SFMBT2: variants seen among roughly 807,000 people sequenced by gnomAD.
The protein encoded by SFMBT2 is scm-like with four MBT domains protein 2.
SFMBT2 carries 38 observed loss-of-function variants against 110.1 expected under a neutral mutation model. The observed-to-expected ratio is 0.35, with a 90% CI of 0.27 to 0.45. SFMBT2 has a LOEUF of 0.45. SFMBT2 is among the 20% of genes least tolerant of loss of function. The pLI is 1.00. For synonymous variants in SFMBT2, 425 were observed against 425.4 expected, an observed-to-expected ratio of 1.00 and a Z score of 0.01; for missense variants, 1,011 against 1,094.9, an observed-to-expected ratio of 0.92 and a Z score of 1.08.
At chr10:7,206,082 A>G (rs1320331708) in intron 11 of SFMBT2, 154 bp from the exon 12 acceptor site, 1 of 985,320 alleles carries the variant, frequency 1.0e-6, no homozygotes, top group African/African-American at 1.7e-5. Context: ...TATGGAAGAG[A>G]TGACTTTAGA....
intron 1 of SFMBT2, among the ~76,000 whole-genome samples, chr10:7,388,206 A>C (rs1042836023): frequency 1.3e-5 from 2 of 152,022 alleles, no homozygotes; most frequent in South Asian, 4.2e-4. Flanking sequence ...ATCTCATCCT[A>C]ATTGGGAGAA....
At chr10:7,232,302 C>T (rs1290600349) in intron 9 of SFMBT2, among the ~76,000 whole-genome samples, 1 of 151,854 alleles carries the variant, frequency 6.6e-6, no homozygotes, top group Non-Finnish European at 1.5e-5. Context: ...AACTATTTGG[C>T]ATTAAAAAAA....
Position 7,248,662 on chromosome 10 carries a change from A to G in SFMBT2, c.871-13T>C. On this transcript the variant is annotated splice_polypyrimidine_tract_variant and intron_variant, in intron 7 of 20. Transcript: ENST00000397167. ...AATCTGCGTGATCCTGCAGGGAGAA[A>G]GATGAAAATATTGAAAGCCACGGTA... 1 of 1,612,768 alleles carries G rather than the reference A, an allele frequency of 6.2e-7. No individual in the cohort carries two copies. The highest frequency in any genetic ancestry group is 8.5e-7 in the Non-Finnish European group (1 of 1,178,868).
At position 7,236,806 on chromosome 10, in the gene SFMBT2, TA is replaced by T. The variant is rs542207754; in HGVS notation, c.1120+6751del. ...ACAATTTACTACTTCAATATGCCAT[TA>T]AAAAAAACCATTAAAAAGCAAAGAA... On this transcript the variant is annotated intron_variant, in intron 9 of 20. Coordinates refer to ENST00000397167, the MANE Select transcript of SFMBT2 (RefSeq NM_001387889.1). Among the ~76,000 whole-genome samples the T allele has an allele frequency of 1.8e-4, 28 of 151,954 alleles. No homozygotes were observed. In the South Asian group the frequency reaches 2.1e-3, roughly 11 times the overall value.
At position 7,310,222 on chromosome 10, in the gene SFMBT2, A is replaced by G. The variant is rs972417016; in HGVS notation, c.437-24268T>C. On this transcript the variant is annotated intron_variant, in intron 4 of 20. Transcript: ENST00000397167. ...CAAATGTCACATGTTGATTCGGTAC[A>G]CAGAAAGACCTCTCCGACAAGGACA... Among the ~76,000 whole-genome samples, 13 of 152,324 alleles carry G rather than the reference A, an allele frequency of 8.5e-5. No individual in the cohort carries two copies. In the East Asian group the frequency reaches 1.7e-3, roughly 20 times the overall value.
intron 11 of SFMBT2, chr10:7,206,749 G>T: frequency 1.4e-6 from 1 of 715,736 alleles, no homozygotes; most frequent in Non-Finnish European, 1.7e-6. Context: ...AGGAGCTCTG[G>T]CTATGGAGAG....
intron 7 of SFMBT2, among the ~76,000 whole-genome samples, chr10:7,251,583 C>A (rs1588385787): frequency 1.3e-5 from 2 of 152,138 alleles, no homozygotes; most frequent in Admixed American, 6.6e-5. Flanking sequence ...TAAGTATAAA[C>A]CCTTTCATCT....
At chr10:7,372,017 C>T (rs190717907) in intron 2 of SFMBT2, among the ~76,000 whole-genome samples, 1 of 151,196 alleles carries the variant, frequency 6.6e-6, no homozygotes, top group Non-Finnish European at 1.5e-5. Flanking sequence ...ACCTCCACCC[C>T]CCAGGTTCAA....
At chr10:7,266,444 C>T (rs115201186) in intron 7 of SFMBT2, among the ~76,000 whole-genome samples, 1 of 152,102 alleles carries the variant, frequency 6.6e-6, no homozygotes, top group Non-Finnish European at 1.5e-5. Context: ...AGGGGCCATG[C>T]AGGAATCTGG....
Position 7,220,525 on chromosome 10 carries a change from G to T in SFMBT2, c.1216C>A (p.Arg406=). 6.2e-7 allele frequency: 1 copy of T among 1,614,078 alleles called. No individual in the cohort carries two copies. Among genetic ancestry groups the T allele is most frequent in the Non-Finnish European group, 8.5e-7 (1 of 1,179,988 alleles). Residue 406 remains arginine, a synonymous_variant, in exon 11 of 21, where the codon CGA becomes AGA. Transcript: ENST00000397167. ...AGTTTCATGTTCTTTGTGAAACCTCGACTGAATGATGTCTGCAAGAGAAAC... is the reference window on the plus strand; with the variant it reads ...AGTTTCATGTTCTTTGTGAAACCTCTACTGAATGATGTCTGCAAGAGAAAC... ...PFCFRNTSFS[R]GFTKNMKLEA...
chr10:7,299,690 C>T (rs1223369911), intron 4 of SFMBT2, among the ~76,000 whole-genome samples: 1 of 152,106 alleles, frequency 6.6e-6, no homozygotes, highest in African/African-American at 2.4e-5. Context: ...CCTCAAAGAT[C>T]TAGAACCAGA....
At chr10:7,248,096 A>C (rs973853724) in intron 8 of SFMBT2, among the ~76,000 whole-genome samples, 1 of 152,262 alleles carries the variant, frequency 6.6e-6, no homozygotes, top group Non-Finnish European at 1.5e-5. Flanking sequence ...GAATCTGTAG[A>C]TCTTAGAAGC....
At chr10:7,386,231 CA>C (rs1406793284) in intron 1 of SFMBT2, among the ~76,000 whole-genome samples, 1 of 152,160 alleles carries the variant, frequency 6.6e-6, no homozygotes, top group East Asian at 1.9e-4. Context: ...TTAAAGAACA[CA>C]ACTCCATCTT....
chr10:7,238,449 C>CT (rs1386943518), intron 9 of SFMBT2, among the ~76,000 whole-genome samples: 3 of 152,172 alleles, frequency 2.0e-5, no homozygotes, highest in Non-Finnish European at 4.4e-5. Context: ...CCATGAGCGT[C>CT]TATGTTATTT....
At chr10:7,268,306 G>T (rs533817098) in intron 7 of SFMBT2, among the ~76,000 whole-genome samples, 60 of 152,258 alleles carry the variant, frequency 3.9e-4, no homozygotes, top group African/African-American at 1.4e-3. Context: ...AGTCTGTCCT[G>T]TAATAAACTT....
In SFMBT2 at chr10:7,197,018, G is replaced by A. The variant is rs370338593; in HGVS notation, c.1698+530C>T. Among the ~76,000 whole-genome samples the A allele has an allele frequency of 6.6e-5, 10 of 152,202 alleles. No homozygotes were observed. In the South Asian group the frequency reaches 1.0e-3, roughly 16 times the overall value. ...GGATGTGACCCATGACACAAACCTCGTCAAAGTACCTGGAGACCATTGAAA... is the reference window on the plus strand; with the variant it reads ...GGATGTGACCCATGACACAAACCTCATCAAAGTACCTGGAGACCATTGAAA... On this transcript the variant is annotated intron_variant, in intron 15 of 20. Coordinates refer to ENST00000397167, the MANE Select transcript of SFMBT2 (RefSeq NM_001387889.1).
intron 20 of SFMBT2, among the ~76,000 whole-genome samples, chr10:7,166,232 A>G (rs1837689686): frequency 6.6e-6 from 1 of 152,218 alleles, no homozygotes. Flanking sequence ...TGCCCAGAAA[A>G]GCTAGCCAAT....
At chr10:7,264,576 A>G (rs1414029000) in intron 7 of SFMBT2, among the ~76,000 whole-genome samples, 1 of 152,176 alleles carries the variant, frequency 6.6e-6, no homozygotes, top group African/African-American at 2.4e-5. Flanking sequence ...ATGGATTGGA[A>G]TTAGTGTCCT....
chr10:7,306,238 C>G (rs1052465493), intron 4 of SFMBT2, among the ~76,000 whole-genome samples: 2 of 152,218 alleles, frequency 1.3e-5, no homozygotes, highest in Non-Finnish European at 2.9e-5. Flanking sequence ...GTGAACTGTG[C>G]GTGGCTTTCA....
Sources: gnomAD v4.1 joint callset for allele counts (sites outside exome capture counted in the v4.1 genomes callset) on GRCh38, gnomAD v4.1.1 for gene constraint, MANE v1.5 for transcripts, NCBI Gene and HGNC (gene_info 2026-07-23, HGNC 2026-07-21) for gene names.